Variants in ARHGEF10L observed in about 807,000 individuals in gnomAD.
ARHGEF10L encodes Rho guanine nucleotide exchange factor 10 like.
In ARHGEF10L, 69 loss-of-function variants were observed where a neutral mutation model predicts 141.2. The ratio of observed to expected loss-of-function variants is 0.49; its 90% CI spans 0.40 to 0.60. The LOEUF (loss-of-function observed/expected upper bound fraction) is 0.60, where lower values mean the gene tolerates loss of function less well. Ranked by LOEUF, ARHGEF10L falls within the 20% of genes least tolerant of loss-of-function variation. ARHGEF10L has a pLI of 0.00. For synonymous variants in ARHGEF10L, 711 were observed against 718.5 expected (o/e 0.99, Z 0.17); for missense variants, 1,482 against 1,734.3 (o/e 0.85, Z 2.58).
rs1444459868 is a variant in ARHGEF10L, at chr1:17,697,668, GT to G, written c.*291del. ...CTGCCTGGCAAGCCCAGTATCACTT[GT>G]TTGGGCCCTAGCGGGACTCCAAGGC... On this transcript the variant is annotated 3_prime_UTR_variant, in exon 29 of 29. Transcript: ENST00000361221. This position sits in a 1 kb window ranked among gnomAD's most constrained non-coding sequence, Gnocchi z 4.8. 1.7e-6 allele frequency: 1 copy of G among 582,164 alleles called. No homozygotes were observed. Among genetic ancestry groups the G allele is most frequent in the Admixed American group, 2.2e-5 (1 of 46,110 alleles). 36.1% of individuals were successfully genotyped at this position (582,164 alleles called of 1,614,324 possible).
At chr1:17,581,113 GGGACCAGCCT>G (rs2078508835) in intron 2 of ARHGEF10L, among the ~76,000 whole-genome samples, 1 of 151,930 alleles carries the variant, frequency 6.6e-6, no homozygotes. Flanking sequence ...TCACGAGTTC[GGGACCAGCCT>G]GGCCAACATG....
chr1:17,649,514 A>G (rs149095109), intron 22 of ARHGEF10L, among the ~76,000 whole-genome samples: 1 of 152,308 alleles, frequency 6.6e-6, no homozygotes, highest in East Asian at 1.9e-4. Context: ...TGAAAGAACA[A>G]ATCCTTGAGA....
At chr1:17,609,688 CAG>C (rs1422559070) in intron 7 of ARHGEF10L, among the ~76,000 whole-genome samples, 4 of 152,138 alleles carry the variant, frequency 2.6e-5, no homozygotes, top group African/African-American at 9.7e-5. Flanking sequence ...GTGTGCCTGA[CAG>C]GGGTAGGGAC....
At chr1:17,686,936 G>T (rs2064654722) in intron 26 of ARHGEF10L, among the ~76,000 whole-genome samples, 1 of 151,022 alleles carries the variant, frequency 6.6e-6, no homozygotes, top group Non-Finnish European at 1.5e-5. Flanking sequence ...GGAAGAGAAT[G>T]CTTTTCACCT....
intron 18 of ARHGEF10L, 43 bp downstream of exon 18, chr1:17,635,059 C>T (rs751618346): frequency 6.2e-7 from 1 of 1,607,500 alleles, no homozygotes. Flanking sequence ...CACCCTCGCC[C>T]TCACCAGCCA....
At chr1:17,543,680 C>G (rs931364506) in intron 1 of ARHGEF10L, among the ~76,000 whole-genome samples, 17 of 152,048 alleles carry the variant, frequency 1.1e-4, no homozygotes, top group African/African-American at 3.9e-4. Flanking sequence ...TGGAGTCTCA[C>G]TCTTTTGCCC....
In ARHGEF10L at chr1:17,638,010, G is replaced by A. The variant is rs769464085; in HGVS notation, c.2043+7G>A. On this transcript the variant is annotated splice_region_variant and intron_variant, in intron 19 of 28. Transcript: ENST00000361221. ...GCTGCACGGCACCTACCAGGTACGT[G>A]GCCTGGCCTGACCTTTTTGGCCTGA... 1.3e-6 allele frequency: 2 copies of A among 1,569,380 alleles called. No individual in the cohort carries two copies. Among genetic ancestry groups the A allele is most frequent in the African/African-American group, 1.4e-5 (1 of 74,004 alleles).
chr1:17,678,391 A>T (rs1215337952), intron 26 of ARHGEF10L, among the ~76,000 whole-genome samples: 1 of 151,608 alleles, frequency 6.6e-6, no homozygotes, highest in African/African-American at 2.4e-5. Context: ...CCTCCAGAAT[A>T]GCCAGGTGCA....
At chr1:17,655,823 C>G (rs2062205709) in intron 23 of ARHGEF10L, 56 bp from the exon 24 acceptor site, 1 of 1,495,022 alleles carries the variant, frequency 6.7e-7, no homozygotes, top group Non-Finnish European at 9.1e-7. Context: ...CTGAGGTCCT[C>G]CTCTGCTCCC....
At position 17,656,167 on chromosome 1, in the gene ARHGEF10L, C is replaced by T. The variant is rs1228095463; in HGVS notation, c.2705+65C>T. The T allele has an allele frequency of 1.5e-5, 22 of 1,493,702 alleles. No individual in the cohort carries two copies. Among genetic ancestry groups the T allele is most frequent in the Admixed American group, 2.0e-5 (1 of 50,026 alleles). 92.5% of individuals were successfully genotyped at this position (1,493,702 alleles called of 1,614,324 possible). A position where few individuals can be genotyped will look rare whatever the true frequency, so the allele number is the denominator to read the frequency against. ...GGGCTGGGCAGTGGGTGGGGGCTGT[C>T]CCTGTAGCCTTCCGGATCTGCCTGT... On this transcript the variant is annotated intron_variant, in intron 24 of 28. Coordinates refer to ENST00000361221, the MANE Select transcript of ARHGEF10L (RefSeq NM_018125.4). The surrounding 1 kb of genome is among the most constrained non-coding windows in gnomAD (Gnocchi z 4.9).
At chr1:17,521,557 C>A in the ARHGEF10L span, among the ~76,000 whole-genome samples, 1 of 152,214 alleles carries the variant, frequency 6.6e-6, no homozygotes, top group Non-Finnish European at 1.5e-5. Context: ...TACTTCATGG[C>A]GAGCACTTTG....
chr1:17,619,481 G>A lies in ARHGEF10L; in HGVS notation c.942+36G>A. ...GAGTGGGGCAGGTGGGGGTCTGCAG[G>A]GGAAGGGGTGGCTTGGGGGTTCCAG... On this transcript the variant is annotated intron_variant, in intron 10 of 28. Transcript: ENST00000361221. The surrounding 1 kb of genome is among the most constrained non-coding windows in gnomAD (Gnocchi z 5.0). 2 of 1,496,324 alleles carry A rather than the reference G, an allele frequency of 1.3e-6. No homozygotes were observed. Among genetic ancestry groups the A allele is most frequent in the Non-Finnish European group, 1.8e-6 (2 of 1,104,532 alleles). The allele number at this position is 1,496,324 out of a possible 1,614,324, so 92.7% of individuals were successfully genotyped here. A position where few individuals can be genotyped will look rare whatever the true frequency, so the allele number is the denominator to read the frequency against.
At chr1:17,652,360 G>T (rs374429065) in intron 22 of ARHGEF10L, among the ~76,000 whole-genome samples, 1 of 152,168 alleles carries the variant, frequency 6.6e-6, no homozygotes, top group South Asian at 2.1e-4. Flanking sequence ...ATCAGCAGGG[G>T]CCACCTGCCT....
At position 17,615,956 on chromosome 1, in the gene ARHGEF10L, C is replaced by A. The variant is rs1461681372; in HGVS notation, c.727-138C>A. ...TTCTCACCCCCACTGTCGTCCTTGG[C>A]CTTTGCTCACGGACCTGGGAGGGAA... On this transcript the variant is annotated intron_variant, in intron 8 of 28. Transcript: ENST00000361221. The surrounding 1 kb of genome is among the most constrained non-coding windows in gnomAD (Gnocchi z 4.7). The A allele has an allele frequency of 1.0e-5, 7 of 701,268 alleles. No homozygotes were observed. Among genetic ancestry groups the A allele is most frequent in the Non-Finnish European group, 1.8e-5 (7 of 390,662 alleles). 43.4% of individuals were successfully genotyped at this position (701,268 alleles called of 1,614,324 possible).
chr1:17,674,920 T>C (rs1296690087), intron 26 of ARHGEF10L, among the ~76,000 whole-genome samples: 1 of 152,172 alleles, frequency 6.6e-6, no homozygotes, highest in Non-Finnish European at 1.5e-5. Flanking sequence ...CGCCTAGATC[T>C]GTGTAAGGTC....
Position 17,644,109 on chromosome 1 carries a change from G to C in ARHGEF10L, c.2272+3807G>C, listed in dbSNP as rs976577037. On this transcript the variant is annotated intron_variant, in intron 21 of 28. Transcript: ENST00000361221. The surrounding 1 kb of genome is among the most constrained non-coding windows in gnomAD (Gnocchi z 4.5). The stretch of plus-strand genomic sequence containing the variant: ...CCTTCTCATTCCCACCTCTCAAGGG[G>C]ACATGGGCCTGGCAGGCCATGGCTA... 6.6e-6 allele frequency among the ~76,000 whole-genome samples: 1 copy of C among 152,236 alleles called. No individual in the cohort carries two copies. The highest frequency in any genetic ancestry group is 1.5e-5 in the Non-Finnish European group (1 of 68,048).
At chr1:17,588,568 G>T (rs1054046149) in intron 4 of ARHGEF10L, 89 bp downstream of exon 4, 1 of 1,514,974 alleles carries the variant, frequency 6.6e-7, no homozygotes, top group Non-Finnish European at 9.2e-7. Context: ...GAGGCCCAGA[G>T]GACCCGACTG....
Position 17,687,596 on chromosome 1 carries a change from C to T in ARHGEF10L, c.3033C>T (p.Asp1011=), listed in dbSNP as rs149624670. Residue 1011 remains aspartate (D), a synonymous_variant, in exon 27 of 29, where the codon GAC becomes GAT. Coordinates refer to ENST00000361221, the MANE Select transcript of ARHGEF10L (RefSeq NM_018125.4). ...QPQQSFEAHQ[D]EAVSVTHMVK... is the part of the protein sequence containing the mutation. ...AGCAAAGCTTCGAGGCGCACCAGGA[C>T]GAGGCAGTGAGCGTGACACACATGG... The T allele has an allele frequency of 1.3e-4, 215 of 1,613,152 alleles. No individual in the cohort carries two copies. In the African/African-American group the frequency reaches 2.1e-3, roughly 16 times the overall value.
intron 4 of ARHGEF10L, among the ~76,000 whole-genome samples, chr1:17,595,876 G>C (rs1219785169): frequency 3.9e-5 from 6 of 152,196 alleles, no homozygotes; most frequent in African/African-American, 1.4e-4. Flanking sequence ...TGGAAACTGA[G>C]GCACGGAGAA....
Sources: allele counts gnomAD v4.1 joint callset (sites outside exome capture counted in the v4.1 genomes callset), GRCh38; gene constraint gnomAD v4.1.1; non-coding constraint Gnocchi (gnomAD v3.1); transcripts MANE v1.5; gene names NCBI Gene and HGNC (gene_info 2026-07-23, HGNC 2026-07-21).